MPPED2: variants seen among roughly 807,000 people sequenced by gnomAD.
The protein encoded by MPPED2 is metallophosphoesterase domain containing 2, also known as metallophosphoesterase MPPED2.
MPPED2 carries 5 observed loss-of-function variants against 33.0 expected under a neutral mutation model. The observed-to-expected ratio is 0.15, with a 90% confidence interval of 0.08 to 0.32. The LOEUF is 0.32. Among genes scored for constraint, MPPED2 ranks in the 10% least tolerant of loss-of-function variants. The pLI, the probability that MPPED2 is intolerant of heterozygous loss-of-function variation, is 1.00. For synonymous variants in MPPED2, 136 were observed against 141.9 expected (o/e 0.96, Z 0.29); for missense variants, 275 against 372.1 (o/e 0.74, Z 2.15).
At chr11:30,460,261 T>C (rs1369385849) in intron 4 of MPPED2, among the ~76,000 whole-genome samples, 1 of 152,210 alleles carries the variant, frequency 6.6e-6, no homozygotes, top group Admixed American at 6.5e-5. Flanking sequence ...CTGCTTCCCG[T>C]GGCGACAATA....
intron 6 of MPPED2, among the ~76,000 whole-genome samples, chr11:30,412,332 T>C (rs1450883213): frequency 4.6e-5 from 7 of 151,618 alleles, no homozygotes; most frequent in Non-Finnish European, 1.0e-4. Flanking sequence ...CTTTGGTATA[T>C]ATGTTCCTTT....
intron 3 of MPPED2, among the ~76,000 whole-genome samples, chr11:30,523,182 T>C (rs1747740066): frequency 6.6e-6 from 1 of 151,870 alleles, no homozygotes; most frequent in African/African-American, 2.4e-5. Context: ...AATTAGTGAG[T>C]CCAGTGATAG....
intron 3 of MPPED2, among the ~76,000 whole-genome samples, chr11:30,535,168 A>C (rs145021911): frequency 9.9e-5 from 15 of 152,188 alleles, no homozygotes; most frequent in African/African-American, 3.6e-4. Context: ...CTTTAGTTTG[A>C]TGGAAAACAA....
intron 4 of MPPED2, among the ~76,000 whole-genome samples, chr11:30,456,218 A>G (rs751611522): frequency 1.3e-5 from 2 of 152,240 alleles, no homozygotes; most frequent in Non-Finnish European, 2.9e-5. Context: ...AGAGACGATT[A>G]AGGAAAATGC....
rs1590464188 is a variant in MPPED2, at chr11:30,480,036, G to T, written c.536+15260C>A. ...GAATCATGTCTGGACTGTTTCAACT[G>T]GGAGGGTGTTGGTGTAATGTTGGTG... On this transcript the variant is annotated intron_variant, in intron 4 of 6. Transcript: ENST00000358117. 2.0e-5 allele frequency among the ~76,000 whole-genome samples: 3 copies of T among 152,248 alleles called. 1 individual carries two copies. The East Asian group carries it at 5.8e-4, about 29-fold the overall frequency.
At chr11:30,406,913 T>C (rs1413387457), downstream of MPPED2, among the ~76,000 whole-genome samples, 1 of 152,170 alleles carries the variant, frequency 6.6e-6, no homozygotes, top group Non-Finnish European at 1.5e-5. Flanking sequence ...TTCAGGAAAG[T>C]GGGAATAGAG....
intron 4 of MPPED2, among the ~76,000 whole-genome samples, chr11:30,473,061 TA>T (rs927780705): frequency 2.0e-5 from 3 of 152,158 alleles, no homozygotes; most frequent in African/African-American, 7.2e-5. Context: ...GAGTTGTGGT[TA>T]AAAAAAGTTT....
chr11:30,501,631 C>A (rs1186362862), intron 3 of MPPED2: 1 of 980,186 alleles, frequency 1.0e-6, no homozygotes, highest in Non-Finnish European at 1.2e-6. Flanking sequence ...AGCATCCAGA[C>A]TGTTTCTCTC....
intron 3 of MPPED2, among the ~76,000 whole-genome samples, chr11:30,508,175 T>C (rs1480770716): frequency 6.6e-6 from 1 of 152,200 alleles, no homozygotes; most frequent in East Asian, 1.9e-4. Context: ...CGGAACACAG[T>C]TGGAGAGCAT....
At chr11:30,448,541 G>A (rs933011220) in intron 4 of MPPED2, among the ~76,000 whole-genome samples, 22 of 152,298 alleles carry the variant, frequency 1.4e-4, no homozygotes, top group African/African-American at 2.6e-4. Flanking sequence ...CCATTCAGGA[G>A]GTTACTGCTA....
At chr11:30,571,745 A>G (rs1409915186) in intron 2 of MPPED2, among the ~76,000 whole-genome samples, 1 of 152,212 alleles carries the variant, frequency 6.6e-6, no homozygotes, top group Non-Finnish European at 1.5e-5. Context: ...ACAGTTCAGA[A>G]TAATCTAGAG....
At position 30,414,300 on chromosome 11, in the gene MPPED2, A is replaced by G; in HGVS notation, c.694T>C (p.Cys232Arg). The change falls in exon 6 of 7, where the codon TGT (cysteine) becomes CGT (arginine). Residue 232 changes from cysteine to arginine, a missense_variant. Transcript: ENST00000358117. ...TGAACCGTGTTTAACAGCTCCACAC[A>G]GCCCACTCTTTGAAGCTCCTTTGGA... ...WVPKELQRVG[C>R]VELLNTVQRR... 1 of 1,614,076 alleles carries G rather than the reference A, an allele frequency of 6.2e-7. No homozygotes were observed. Among genetic ancestry groups the G allele is most frequent in the Non-Finnish European group, 8.5e-7 (1 of 1,179,926 alleles).
At chr11:30,471,132 A>G (rs1353485570) in intron 4 of MPPED2, among the ~76,000 whole-genome samples, 1 of 152,136 alleles carries the variant, frequency 6.6e-6, no homozygotes, top group Non-Finnish European at 1.5e-5. Flanking sequence ...ATTAGTTCTA[A>G]ACCTTTCAAT....
intron 3 of MPPED2, among the ~76,000 whole-genome samples, chr11:30,529,823 G>A (rs1158774833): frequency 6.6e-6 from 1 of 152,100 alleles, no homozygotes; most frequent in East Asian, 1.9e-4. Context: ...TGGGATGTTG[G>A]TTACAGTCAC....
chr11:30,507,522 A>C (rs1267305928), intron 3 of MPPED2, among the ~76,000 whole-genome samples: 3 of 152,192 alleles, frequency 2.0e-5, no homozygotes, highest in Non-Finnish European at 4.4e-5. Flanking sequence ...TATAACTCAA[A>C]ATTTGAGTGA....
intron 2 of MPPED2, among the ~76,000 whole-genome samples, chr11:30,565,821 T>C (rs1956418701): frequency 2.0e-5 from 3 of 152,298 alleles, no homozygotes; most frequent in African/African-American, 7.2e-5. Flanking sequence ...GTGTTGACAG[T>C]TTAGTCACCC....
intron 4 of MPPED2, among the ~76,000 whole-genome samples, chr11:30,473,123 C>T (rs1269161172): frequency 2.0e-5 from 3 of 152,068 alleles, no homozygotes; most frequent in South Asian, 2.1e-4. Flanking sequence ...GGTATTCTAT[C>T]GTATGGACAC....
At chr11:30,507,301 C>T (rs558710065) in intron 3 of MPPED2, among the ~76,000 whole-genome samples, 1 of 152,296 alleles carries the variant, frequency 6.6e-6, no homozygotes, top group South Asian at 2.1e-4. Context: ...TTTCTGAAGG[C>T]ATCAATACAC....
Position 30,411,456 on chromosome 11 carries a change from G to A in MPPED2, c.*12C>T. 3 of 1,611,242 alleles carry A rather than the reference G, an allele frequency of 1.9e-6. No individual in the cohort carries two copies. Among genetic ancestry groups the A allele is most frequent in the Admixed American group, 3.3e-5 (2 of 59,964 alleles). On this transcript the variant is annotated 3_prime_UTR_variant, in exon 7 of 7. Coordinates refer to ENST00000358117, the MANE Select transcript of MPPED2 (RefSeq NM_001584.3). The stretch of plus-strand genomic sequence containing the variant: ...AGACCTTCCCTCACATTCCAATAGG[G>A]CATTTAGAGCTTCAGGAACCCTGTG...
Sources: allele counts gnomAD v4.1 joint callset (sites outside exome capture counted in the v4.1 genomes callset), GRCh38; gene constraint gnomAD v4.1.1; transcripts MANE v1.5; gene names NCBI Gene and HGNC (gene_info 2026-07-23, HGNC 2026-07-21).